The following JCAD variants were observed in gnomAD, a reference collection of about 807,000 sequenced individuals.
JCAD encodes the protein junctional cadherin 5 associated, also known as junctional cadherin 5-associated protein.
Under a neutral mutation model 98.0 loss-of-function variants are expected in JCAD, and 40 were observed. The ratio of observed to expected loss-of-function variants is 0.41; its 90% CI spans 0.32 to 0.53. The LOEUF is 0.53. Among genes scored for constraint, JCAD ranks in the 20% least tolerant of loss-of-function variants. The pLI, the probability that JCAD is intolerant of heterozygous loss-of-function variation, is 0.31. For synonymous variants in JCAD, 691 were observed against 682.3 expected (o/e 1.01, Z -0.20); for missense variants, 1,705 against 1,738.1 (o/e 0.98, Z 0.34).
intron 1 of JCAD, among the ~76,000 whole-genome samples, chr10:30,082,682 T>C (rs1191326947): frequency 6.6e-6 from 1 of 151,782 alleles, no homozygotes; most frequent in Non-Finnish European, 1.5e-5. Context: ...AGAAACCCCA[T>C]CTGTACTAAA....
exon 2 of JCAD, chr10:30,069,766 A>G (rs956586018): frequency 2.6e-5 from 4 of 152,180 alleles, no homozygotes; most frequent in African/African-American, 9.7e-5. Context: ...TCAAGGTTGC[A>G]GTGAACTGTG....
upstream of JCAD, among the ~76,000 whole-genome samples, chr10:30,062,057 C>T (rs1005904657): frequency 6.6e-6 from 1 of 152,118 alleles, no homozygotes; most frequent in Non-Finnish European, 1.5e-5. Context: ...TACCTAAGGG[C>T]TGTAGAGTTG....
chr10:30,086,177 T>C (rs188861761), intron 1 of JCAD, among the ~76,000 whole-genome samples: 7 of 152,270 alleles, frequency 4.6e-5, no homozygotes, highest in Admixed American at 4.6e-4. Context: ...AAAAGGAACA[T>C]GTACAAAGTA....
chr10:30,079,314 T>C (rs925554405), intron 1 of JCAD, among the ~76,000 whole-genome samples: 1 of 137,816 alleles, frequency 7.3e-6, no homozygotes, highest in Non-Finnish European at 1.5e-5. Flanking sequence ...GCCACTGCAC[T>C]CTAGCCTGGG....
At chr10:30,103,662 C>G (rs535115323) in intron 1 of JCAD, among the ~76,000 whole-genome samples, 3 of 151,764 alleles carry the variant, frequency 2.0e-5, no homozygotes, top group Admixed American at 6.6e-5. Context: ...TTCTTTTGAT[C>G]CCAAATAAGC....
chr10:30,070,386 G>A (rs7068217), intron 1 of JCAD, among the ~76,000 whole-genome samples: 9,008 of 152,164 alleles, frequency 0.059, 775 homozygotes, highest in African/African-American at 0.19. Context: ...GTCCTGTGTC[G>A]TCTGCACATA....
At chr10:30,072,121 AAGGGC>A (rs985375989) in intron 1 of JCAD, among the ~76,000 whole-genome samples, 6 of 151,252 alleles carry the variant, frequency 4.0e-5, no homozygotes, top group African/African-American at 9.7e-5. Context: ...GGAAAGAAGG[AAGGGC>A]AGGGCAGGGC....
In JCAD at chr10:30,027,072, C is replaced by T; in HGVS notation, c.3076G>A (p.Gly1026Arg). Residue 1026 changes from glycine to arginine, a missense_variant, in exon 3 of 4, where the codon GGA becomes AGA. Physicochemically the swap from Gly to Arg is moderately radical, Grantham distance 125 (BLOSUM62 -2). Around this residue, in one of 3 missense-constraint regions of JCAD, gnomAD observed 1,278 missense variants for 1,243.1 expected, o/e 1.03. Coordinates refer to ENST00000375377, the MANE Select transcript of JCAD (RefSeq NM_020848.4). ...AGTGGGAGCCCTGCCCCCCTCTCTC[C>T]ACCACTGTCAAACTTCCGAGGGACC... is the stretch of plus-strand genomic sequence containing the variant. ...EAVPRKFDSG[G>R]ERGAGLPLSL... is the part of the protein sequence containing the mutation. 2 of 1,614,248 alleles carry T rather than the reference C, an allele frequency of 1.2e-6. No individual in the cohort carries two copies. Among genetic ancestry groups the T allele is most frequent in the Non-Finnish European group, 1.7e-6 (2 of 1,180,042 alleles).
Position 30,076,169 on chromosome 10 carries a change from G to T in JCAD, n.129-6348C>A, listed in dbSNP as rs553793459. 3.3e-5 allele frequency among the ~76,000 whole-genome samples: 5 copies of T among 152,096 alleles called. No individual in the cohort carries two copies. In the South Asian group the frequency reaches 1.0e-3, roughly 32 times the overall value. On this transcript the variant is annotated intron_variant and non_coding_transcript_variant, in intron 1 of 2. Coordinates refer to the JCAD transcript ENST00000465712. The stretch of plus-strand genomic sequence containing the variant: ...CTCCCGAGTAGCTGGGATTACAGGT[G>T]CCTGCTACCACACCCGGCTAAATTT...
At chr10:30,025,992 C>A in intron 3 of JCAD, 111 bp downstream of exon 3, 1 of 1,258,184 alleles carries the variant, frequency 7.9e-7, no homozygotes, top group Non-Finnish European at 1.1e-6. Context: ...CCAGGGTCAA[C>A]TTGATCTTTT....
intron 1 of JCAD, among the ~76,000 whole-genome samples, chr10:30,080,609 T>A (rs551382846): frequency 1.7e-4 from 26 of 152,324 alleles, no homozygotes; most frequent in African/African-American, 5.8e-4. Context: ...CTGTATCACA[T>A]GCTTCCTACA....
At chr10:30,065,092 G>C (rs1304578953) in intron 2 of JCAD, among the ~76,000 whole-genome samples, 1 of 152,180 alleles carries the variant, frequency 6.6e-6, no homozygotes, top group African/African-American at 2.4e-5. Context: ...ATATTGGTGG[G>C]TACCAGAGGC....
At chr10:30,041,577 G>C (rs992929617) in intron 2 of JCAD, among the ~76,000 whole-genome samples, 1 of 152,102 alleles carries the variant, frequency 6.6e-6, no homozygotes, top group African/African-American at 2.4e-5. Flanking sequence ...CTCCCAAGAT[G>C]AGGGCCCCAG....
chr10:30,062,389 A>G (rs2132661939), upstream of JCAD, among the ~76,000 whole-genome samples: 1 of 152,282 alleles, frequency 6.6e-6, no homozygotes, highest in East Asian at 1.9e-4. Flanking sequence ...TGGCATGACT[A>G]AGGCCATTTC....
intron 2 of JCAD, among the ~76,000 whole-genome samples, chr10:30,067,222 AAGAATGCCTCCATTTGGGGAG>A (rs1222525091): frequency 6.6e-6 from 1 of 152,154 alleles, no homozygotes; most frequent in Non-Finnish European, 1.5e-5. Flanking sequence ...TAATTGTAAA[AAGAATGCCTCCATTTGGGGAG>A]AGAATGGTGT....
At chr10:30,031,640 C>T (rs1243756032) in intron 2 of JCAD, among the ~76,000 whole-genome samples, 1 of 151,372 alleles carries the variant, frequency 6.6e-6, no homozygotes, top group Non-Finnish European at 1.5e-5. Flanking sequence ...CGAGGTTTCA[C>T]TATGCTGGCC....
chr10:30,092,055 AAAAAAAAAAATAT>A lies in JCAD; in HGVS notation n.129-22247_129-22235del, dbSNP rs1353996005. On this transcript the variant is annotated intron_variant and non_coding_transcript_variant, in intron 1 of 2. Coordinates refer to the JCAD transcript ENST00000465712. ...ACCACAAAAAAAAAAAAAAAAAAAA[AAAAAAAAAAATAT>A]ATATATATATATATATATATAAAGT... Among the ~76,000 whole-genome samples, 222 of 26,386 alleles carry A rather than the reference AAAAAAAAAAATAT, an allele frequency of 8.4e-3. 4 individuals carry two copies. The highest frequency in any genetic ancestry group is 0.023 in the Middle Eastern group (1 of 44). The allele number at this position is 26,386 out of a possible 152,430, so 17.3% of individuals were successfully genotyped here.
intron 3 of JCAD, among the ~76,000 whole-genome samples, chr10:30,019,357 CAA>C (rs58164754): frequency 3.1e-3 from 307 of 100,276 alleles, no homozygotes; most frequent in African/African-American, 8.6e-3. Flanking sequence ...AACTCTGTCT[CAA>C]AAAAAAAAAA....
intron 1 of JCAD, among the ~76,000 whole-genome samples, chr10:30,105,894 A>G (rs980816904): frequency 6.6e-6 from 1 of 152,216 alleles, no homozygotes; most frequent in Non-Finnish European, 1.5e-5. Context: ...GTAAAGATCT[A>G]AAATGGTGAT....
Sources: gnomAD v4.1 joint callset for allele counts (sites outside exome capture counted in the v4.1 genomes callset) on GRCh38, gnomAD v4.1.1 for gene constraint, gnomAD v4.1.1 regional missense constraint, MANE v1.5 for transcripts, NCBI Gene and HGNC (gene_info 2026-07-23, HGNC 2026-07-21) for gene names.